SLC16A2: variants seen among roughly 807,000 people sequenced by gnomAD.
The protein encoded by SLC16A2 is solute carrier family 16 member 2.
Under a neutral mutation model 27.2 loss-of-function variants are expected in SLC16A2, and 3 were observed. That is an observed-to-expected ratio of 0.11 (90% confidence interval 0.05 to 0.28). SLC16A2 has a LOEUF of 0.28. Among genes scored for constraint, SLC16A2 ranks in the 10% least tolerant of loss-of-function variants. The probability of loss-of-function intolerance (pLI) is 1.00; values close to 1 mark genes in which losing one functional copy is unlikely to be tolerated. For missense variants in SLC16A2, 295 were observed against 458.5 expected (o/e 0.64, Z 3.26); for synonymous variants, 202 against 187.8 (o/e 1.08, Z -0.62).
At chrX:74,438,243 A>G (rs1569284441) in intron 1 of SLC16A2, among the ~76,000 whole-genome samples, 2 of 112,359 alleles carry the variant, frequency 1.8e-5, no homozygotes, top group African/African-American at 6.5e-5. Flanking sequence ...TTCACTCCCT[A>G]TCTGTAAAAA....
intron 1 of SLC16A2, among the ~76,000 whole-genome samples, chrX:74,450,180 A>G (rs1301367666): frequency 8.9e-6 from 1 of 112,870 alleles, no homozygotes; most frequent in Non-Finnish European, 1.9e-5. Flanking sequence ...CTATTGAGAA[A>G]TTATGGACCC....
chrX:74,477,004 G>A (rs774146910), intron 1 of SLC16A2: 16 of 112,022 alleles, frequency 1.4e-4, no homozygotes, highest in African/African-American at 3.6e-4. Flanking sequence ...AAATGAGTTC[G>A]GGAGGATTCC....
chrX:74,495,238 G>C (rs1490238051), intron 1 of SLC16A2, among the ~76,000 whole-genome samples: 1 of 111,510 alleles, frequency 9.0e-6, no homozygotes, highest in Non-Finnish European at 1.9e-5. Flanking sequence ...GTACAGGGAA[G>C]TCTCCGGGGA....
chrX:74,458,055 A>C (rs918125641), intron 1 of SLC16A2, among the ~76,000 whole-genome samples: 2 of 112,117 alleles, frequency 1.8e-5, no homozygotes, highest in African/African-American at 6.5e-5. Context: ...AGTGATACTA[A>C]AGAAACAAAA....
intron 1 of SLC16A2, among the ~76,000 whole-genome samples, chrX:74,427,583 G>C (rs1250243113): frequency 8.9e-6 from 1 of 111,810 alleles, no homozygotes; most frequent in East Asian, 2.8e-4. Context: ...GAGCAGACCA[G>C]TTTCCCAGGA....
At chrX:74,461,427 T>C (rs1178105745) in intron 1 of SLC16A2, among the ~76,000 whole-genome samples, 1 of 110,054 alleles carries the variant, frequency 9.1e-6, no homozygotes, top group Non-Finnish European at 1.9e-5. Context: ...TGTGTGTGTG[T>C]GTGCACGCGT....
chrX:74,520,640 G>C, intron 1 of SLC16A2, among the ~76,000 whole-genome samples: 1 of 111,560 alleles, frequency 9.0e-6, no homozygotes, highest in Non-Finnish European at 1.9e-5. Flanking sequence ...CGTCTTCACA[G>C]GGTTCTTCTA....
chrX:74,443,862 G>A (rs188539095), intron 1 of SLC16A2, among the ~76,000 whole-genome samples: 2 of 111,305 alleles, frequency 1.8e-5, no homozygotes, highest in African/African-American at 6.5e-5. Flanking sequence ...TTCCCTGCCC[G>A]CCCCATCATA....
chrX:74,493,422 A>G (rs1929871843), intron 1 of SLC16A2, among the ~76,000 whole-genome samples: 1 of 112,218 alleles, frequency 8.9e-6, no homozygotes, highest in African/African-American at 3.2e-5. Flanking sequence ...GGTGACAGCC[A>G]GGTCTGAAGG....
intron 1 of SLC16A2, among the ~76,000 whole-genome samples, chrX:74,504,920 G>A (rs1930097968): frequency 8.9e-6 from 1 of 111,778 alleles, no homozygotes; most frequent in Admixed American, 9.5e-5. Flanking sequence ...AGCTTTGGAG[G>A]TTGAGGCTGC....
intron 1 of SLC16A2, among the ~76,000 whole-genome samples, chrX:74,468,436 A>G (rs922184803): frequency 8.9e-6 from 1 of 112,145 alleles, no homozygotes; most frequent in African/African-American, 3.2e-5. Flanking sequence ...CATAGCATGT[A>G]TTAGCAACAA....
chrX:74,481,442 G>T (rs1359835123), intron 1 of SLC16A2, among the ~76,000 whole-genome samples: 1 of 111,517 alleles, frequency 9.0e-6, no homozygotes, highest in Non-Finnish European at 1.9e-5. Context: ...GGTCGTTTCT[G>T]TCTTTATAGA....
intron 1 of SLC16A2, among the ~76,000 whole-genome samples, chrX:74,466,667 C>A: frequency 9.0e-6 from 1 of 111,718 alleles, no homozygotes; most frequent in Admixed American, 9.5e-5. Flanking sequence ...CCCACTGATG[C>A]AGAACCCACT....
At chrX:74,476,462 C>A (rs753850503) in intron 1 of SLC16A2, among the ~76,000 whole-genome samples, 1 of 111,376 alleles carries the variant, frequency 9.0e-6, no homozygotes, top group Non-Finnish European at 1.9e-5. Context: ...AACTGAATAC[C>A]CTTTATTTTT....
chrX:74,525,595 C>T (rs1314065001), intron 3 of SLC16A2, among the ~76,000 whole-genome samples, 155 bp from the exon 4 acceptor site: 1 of 111,886 alleles, frequency 8.9e-6, no homozygotes, highest in East Asian at 2.8e-4. Flanking sequence ...GATAAGCAGC[C>T]AGAGAGCTTG....
chrX:74,434,356 A>G (rs1928583729), intron 1 of SLC16A2, among the ~76,000 whole-genome samples: 1 of 112,182 alleles, frequency 8.9e-6, no homozygotes, highest in East Asian at 2.8e-4. Context: ...AGCTAAGTGG[A>G]GAATTGGGCA....
At chrX:74,425,310 A>G (rs1374689316) in intron 1 of SLC16A2, among the ~76,000 whole-genome samples, 2 of 111,570 alleles carry the variant, frequency 1.8e-5, no homozygotes, top group African/African-American at 6.5e-5. Flanking sequence ...CACCAGCTGT[A>G]TATCTTATCC....
chrX:74,522,400 C>G (rs1306411367), intron 2 of SLC16A2, among the ~76,000 whole-genome samples: 1 of 111,278 alleles, frequency 9.0e-6, no homozygotes, highest in African/African-American at 3.3e-5. Context: ...CCAACTGGGA[C>G]AGAGAAGGGA....
At chrX:74,467,261 A>G (rs754414645) in intron 1 of SLC16A2, among the ~76,000 whole-genome samples, 65 of 111,959 alleles carry the variant, frequency 5.8e-4, no homozygotes, top group Non-Finnish European at 9.8e-4. Context: ...AGCAAGACCC[A>G]GAAGAGTAAG....
Sources: gnomAD v4.1 joint callset for allele counts (sites outside exome capture counted in the v4.1 genomes callset) on GRCh38, gnomAD v4.1.1 for gene constraint, MANE v1.5 for transcripts, NCBI Gene and HGNC (gene_info 2026-07-23, HGNC 2026-07-21) for gene names.